The following ZMYND11 variants were observed in gnomAD, a reference collection of about 807,000 sequenced individuals.
The protein encoded by ZMYND11 is zinc finger MYND-type containing 11, also known as zinc finger MYND domain-containing protein 11.
In ZMYND11, 9 loss-of-function variants were observed where a neutral mutation model predicts 84.9. The ratio of observed to expected loss-of-function variants is 0.11; its 90% CI spans 0.06 to 0.18. The LOEUF (loss-of-function observed/expected upper bound fraction) is 0.18, where lower values mean the gene tolerates loss of function less well. Ranked by LOEUF, ZMYND11 falls within the 10% of genes least tolerant of loss-of-function variation. The probability of loss-of-function intolerance (pLI) is 1.00; values close to 1 mark genes in which losing one functional copy is unlikely to be tolerated. For synonymous variants in ZMYND11, 250 were observed against 244.1 expected, an observed-to-expected ratio of 1.02 and a Z score of -0.23; for missense variants, 409 against 761.0, an observed-to-expected ratio of 0.54 and a Z score of 5.44.
At chr10:235,392 T>C (rs984332501) in intron 4 of ZMYND11, among the ~76,000 whole-genome samples, 5 of 152,130 alleles carry the variant, frequency 3.3e-5, no homozygotes, top group African/African-American at 1.2e-4. Context: ...TCTCAAGTTA[T>C]ATCAATTTGT....
intron 4 of ZMYND11, among the ~76,000 whole-genome samples, chr10:235,660 A>G (rs1029792584): frequency 6.6e-6 from 1 of 152,186 alleles, no homozygotes. Flanking sequence ...CAGGGTTGAG[A>G]AGAACTGCTC....
chr10:164,913 A>AG (rs1184666377), intron 1 of ZMYND11, among the ~76,000 whole-genome samples: 3 of 152,110 alleles, frequency 2.0e-5, no homozygotes, highest in Non-Finnish European at 4.4e-5. Context: ...TGGCAGGAAG[A>AG]GGGGGTAGGG....
At chr10:206,755 C>A (rs1051731761) in intron 2 of ZMYND11, among the ~76,000 whole-genome samples, 1 of 152,094 alleles carries the variant, frequency 6.6e-6, no homozygotes, top group Non-Finnish European at 1.5e-5. Context: ...ACTACGCCTT[C>A]TGTTTTTATC....
intron 10 of ZMYND11, among the ~76,000 whole-genome samples, chr10:243,455 TTTC>T (rs1249947215): frequency 6.6e-6 from 1 of 152,000 alleles, no homozygotes; most frequent in Non-Finnish European, 1.5e-5. Flanking sequence ...TCTATATATT[TTTC>T]TTTTTCATCA....
intron 2 of ZMYND11, among the ~76,000 whole-genome samples, chr10:188,642 G>C (rs760816205): frequency 7.3e-5 from 11 of 150,488 alleles, no homozygotes; most frequent in Non-Finnish European, 1.2e-4. Flanking sequence ...TCATTGTCAT[G>C]TTATTTCTCT....
At chr10:242,361 G>A (rs928305815) in intron 10 of ZMYND11, among the ~76,000 whole-genome samples, 18 of 152,146 alleles carry the variant, frequency 1.2e-4, no homozygotes, top group African/African-American at 3.9e-4. Flanking sequence ...TTGAACTTCA[G>A]AAGCACATTA....
chr10:145,436 T>C (rs1325899840), intron 1 of ZMYND11, among the ~76,000 whole-genome samples: 1 of 152,150 alleles, frequency 6.6e-6, no homozygotes, highest in Non-Finnish European at 1.5e-5. Context: ...CTGGATCAAA[T>C]GGTAGATTTA....
chr10:212,218 C>G (rs1945367015), intron 3 of ZMYND11, among the ~76,000 whole-genome samples: 1 of 152,020 alleles, frequency 6.6e-6, no homozygotes, highest in South Asian at 2.1e-4. Context: ...CGTTAATGAG[C>G]ACATTATATT....
chr10:167,199 C>G (rs1554764117), intron 1 of ZMYND11, among the ~76,000 whole-genome samples: 1 of 152,040 alleles, frequency 6.6e-6, no homozygotes, highest in African/African-American at 2.4e-5. Context: ...GTAGTTAGTG[C>G]TGCCAGATTG....
At chr10:180,646 G>T (rs1394800362) in intron 2 of ZMYND11, among the ~76,000 whole-genome samples, 3 of 152,154 alleles carry the variant, frequency 2.0e-5, no homozygotes, top group Non-Finnish European at 4.4e-5. Context: ...TGATTCGCCC[G>T]CCTTGGCGTC....
At chr10:135,041 G>C (rs1482198979), upstream of ZMYND11, 1 of 149,372 alleles carries the variant, frequency 6.7e-6, no homozygotes, top group South Asian at 2.1e-4. The surrounding 1 kb of genome is among the most constrained non-coding windows in gnomAD (Gnocchi z 5.6). Flanking sequence ...CTCCGAGGGC[G>C]GGCGGGCCGA....
chr10:149,405 G>T (rs1554756359), intron 1 of ZMYND11, among the ~76,000 whole-genome samples: 2 of 151,506 alleles, frequency 1.3e-5, no homozygotes, highest in Non-Finnish European at 2.9e-5. Flanking sequence ...CCGCCTCCTG[G>T]GTTCACGCCA....
chr10:134,947 C>A (rs146152255), upstream of ZMYND11: 29,634 of 149,792 alleles, frequency 0.2, 3,604 homozygotes, highest in Non-Finnish European at 0.28. Context: ...GCGAGCCGGG[C>A]CGGCCGCGCG....
intron 2 of ZMYND11, among the ~76,000 whole-genome samples, chr10:190,203 G>A (rs372960222): frequency 1.3e-5 from 2 of 152,140 alleles, no homozygotes; most frequent in East Asian, 1.9e-4. Context: ...TCATCCTTAT[G>A]ACTTTCTTGC....
rs546024879 is a variant in ZMYND11, at chr10:210,141, T to G, written c.276+93T>G. The G allele has an allele frequency of 1.0e-4, 140 of 1,364,248 alleles. 1 individual carries two copies. The South Asian group carries it at 1.7e-3, about 17-fold the overall frequency. 84.5% of individuals were successfully genotyped at this position (1,364,248 alleles called of 1,614,324 possible). On this transcript the variant is annotated intron_variant, in intron 3 of 14. Transcript: ENST00000381604. ...ACCTATAGAAAATCATTTTCAGAAGTTTAATATTTCATTTTAACATTTGTA... is the reference window on the plus strand; with the variant it reads ...ACCTATAGAAAATCATTTTCAGAAGGTTAATATTTCATTTTAACATTTGTA...
chr10:252,511 C>G lies in ZMYND11; in HGVS notation c.*41C>G. On this transcript the variant is annotated 3_prime_UTR_variant, in exon 15 of 15. Transcript: ENST00000381604. This position sits in a 1 kb window ranked among gnomAD's most constrained non-coding sequence, Gnocchi z 4.6. Reference sequence around the variant, plus strand: ...GAGTCACCCCGATGATTACTCTTTTCAGACACAGCGGTTTTTGTTTCCAAG... The same window carrying G: ...GAGTCACCCCGATGATTACTCTTTTGAGACACAGCGGTTTTTGTTTCCAAG... 6.4e-7 allele frequency: 1 copy of G among 1,568,132 alleles called. No homozygotes were observed.
At chr10:196,554 G>A (rs1243387394) in intron 2 of ZMYND11, among the ~76,000 whole-genome samples, 1 of 152,078 alleles carries the variant, frequency 6.6e-6, no homozygotes, top group East Asian at 1.9e-4. Context: ...AACAAAATTA[G>A]TAGGTTATAC....
In ZMYND11 at chr10:252,246, G is replaced by C. The variant is rs1311990621; in HGVS notation, c.1687-102G>C. The stretch of plus-strand genomic sequence containing the variant: ...TCAGATTCCACAAAAGGTTGAGCCA[G>C]AAAGATCTTTTAAAAGCACCACCTC... On this transcript the variant is annotated intron_variant, in intron 14 of 14. Transcript: ENST00000381604. The surrounding 1 kb of genome is among the most constrained non-coding windows in gnomAD (Gnocchi z 4.6). 2 of 1,401,346 alleles carry C rather than the reference G, an allele frequency of 1.4e-6. No individual in the cohort carries two copies. Among genetic ancestry groups the C allele is most frequent in the Non-Finnish European group, 1.9e-6 (2 of 1,027,340 alleles). 86.8% of individuals were successfully genotyped at this position (1,401,346 alleles called of 1,614,324 possible). A position where few individuals can be genotyped will look rare whatever the true frequency, so the allele number is the denominator to read the frequency against.
At chr10:247,598 CA>C in intron 12 of ZMYND11, 132 bp downstream of exon 12, 1 of 940,412 alleles carries the variant, frequency 1.1e-6, no homozygotes, top group Non-Finnish European at 1.6e-6. Context: ...TGCTGTCAGT[CA>C]AATCATATCC....
Sources: gnomAD v4.1 joint callset for allele counts (sites outside exome capture counted in the v4.1 genomes callset) on GRCh38, gnomAD v4.1.1 for gene constraint, Gnocchi (gnomAD v3.1) non-coding constraint, MANE v1.5 for transcripts, NCBI Gene and HGNC (gene_info 2026-07-23, HGNC 2026-07-21) for gene names.